CACNA2D3: variants seen among roughly 807,000 people sequenced by gnomAD.
The protein encoded by CACNA2D3 is calcium voltage-gated channel auxiliary subunit alpha2delta 3.
CACNA2D3 carries 60 observed loss-of-function variants against 160.6 expected under a neutral mutation model. The ratio of observed to expected loss-of-function variants is 0.37; its 90% CI spans 0.30 to 0.46. CACNA2D3 has a LOEUF of 0.46. CACNA2D3 is among the 20% of genes least tolerant of loss of function. The probability of loss-of-function intolerance (pLI) is 1.00; values close to 1 mark genes in which losing one functional copy is unlikely to be tolerated. For synonymous variants in CACNA2D3, 558 were observed against 492.9 expected, an observed-to-expected ratio of 1.13 and a Z score of -1.75; for missense variants, 1,205 against 1,365.0, an observed-to-expected ratio of 0.88 and a Z score of 1.85.
intron 2 of CACNA2D3, among the ~76,000 whole-genome samples, chr3:54,291,579 T>C (rs145583958): frequency 1.3e-3 from 198 of 152,292 alleles, no homozygotes; most frequent in African/African-American, 4.3e-3. Context: ...TACTATGGAC[T>C]AGGAAAAAGT....
At chr3:54,465,326 A>T (rs1302186608) in intron 4 of CACNA2D3, among the ~76,000 whole-genome samples, 1 of 152,078 alleles carries the variant, frequency 6.6e-6, no homozygotes, top group Non-Finnish European at 1.5e-5. Flanking sequence ...TTTGAATTTG[A>T]GGGACAGAGA....
intron 2 of CACNA2D3, among the ~76,000 whole-genome samples, chr3:54,250,532 C>G (rs748108641): frequency 6.6e-6 from 1 of 152,030 alleles, no homozygotes; most frequent in Non-Finnish European, 1.5e-5. Flanking sequence ...CTCCTGGGCT[C>G]AAGTGATCCT....
At chr3:54,873,732 C>T (rs1256576861) in intron 18 of CACNA2D3, among the ~76,000 whole-genome samples, 1 of 152,178 alleles carries the variant, frequency 6.6e-6, no homozygotes. Flanking sequence ...TCTCTGGTTA[C>T]GTCTTTGGTT....
chr3:54,587,582 AAAAT>A (rs1362629851), intron 9 of CACNA2D3, among the ~76,000 whole-genome samples: 9 of 152,264 alleles, frequency 5.9e-5, no homozygotes, highest in Non-Finnish European at 1.3e-4. Context: ...AAAATTTAAA[AAAAT>A]AAAAAGAGAG....
At chr3:54,394,053 G>A (rs1405782207) in intron 4 of CACNA2D3, among the ~76,000 whole-genome samples, 2 of 152,136 alleles carry the variant, frequency 1.3e-5, no homozygotes, top group Non-Finnish European at 2.9e-5. Context: ...TATGAGGTAG[G>A]CATCTCATTC....
intron 11 of CACNA2D3, among the ~76,000 whole-genome samples, chr3:54,667,709 C>A (rs1457020903): frequency 6.6e-6 from 1 of 152,142 alleles, no homozygotes; most frequent in Admixed American, 6.5e-5. Context: ...TTTTGGGAAA[C>A]TGAGCTAAGG....
chr3:54,571,393 T>A (rs1702494261), intron 8 of CACNA2D3, among the ~76,000 whole-genome samples: 1 of 152,172 alleles, frequency 6.6e-6, no homozygotes, highest in African/African-American at 2.4e-5. Flanking sequence ...AGATTAAATT[T>A]TAAAAGAGCC....
chr3:54,421,918 A>T (rs1699841585), intron 4 of CACNA2D3, among the ~76,000 whole-genome samples: 1 of 152,172 alleles, frequency 6.6e-6, no homozygotes, highest in African/African-American at 2.4e-5. Flanking sequence ...GCAGGTGGGC[A>T]GTCCACCACA....
At chr3:54,736,119 ACATATATATATG>A (rs1183615560) in intron 11 of CACNA2D3, among the ~76,000 whole-genome samples, 14 of 48,338 alleles carry the variant, frequency 2.9e-4, no homozygotes, top group South Asian at 1.9e-3. Flanking sequence ...GTATATATAT[ACATATATATATG>A]TATATATATA....
intron 35 of CACNA2D3, among the ~76,000 whole-genome samples, chr3:55,034,077 A>AT (rs1171264879): frequency 6.6e-6 from 1 of 151,464 alleles, no homozygotes; most frequent in African/African-American, 2.4e-5. Context: ...TACTAGAAGA[A>AT]TTGATGAGTC....
intron 2 of CACNA2D3, among the ~76,000 whole-genome samples, chr3:54,180,576 G>T (rs1444905897): frequency 1.3e-5 from 2 of 152,292 alleles, no homozygotes; most frequent in East Asian, 3.9e-4. Flanking sequence ...GCACAGAGCT[G>T]GGATTAGTCA....
At chr3:54,198,530 G>C (rs1701121155) in intron 2 of CACNA2D3, among the ~76,000 whole-genome samples, 1 of 152,172 alleles carries the variant, frequency 6.6e-6, no homozygotes, top group Admixed American at 6.5e-5. Context: ...CACTTTTTAT[G>C]CTTCAGTTCC....
chr3:54,645,033 T>G (rs1419139308), intron 11 of CACNA2D3, among the ~76,000 whole-genome samples: 4 of 152,222 alleles, frequency 2.6e-5, no homozygotes, highest in Non-Finnish European at 4.4e-5. Flanking sequence ...TTTGTATTAG[T>G]CCATTTTCAC....
intron 4 of CACNA2D3, among the ~76,000 whole-genome samples, chr3:54,423,113 T>C (rs1003597158): frequency 3.3e-5 from 5 of 152,156 alleles, no homozygotes; most frequent in African/African-American, 7.2e-5. Context: ...ACTGATCATA[T>C]ATATTTTGCA....
intron 11 of CACNA2D3, among the ~76,000 whole-genome samples, chr3:54,697,719 A>G (rs1388770900): frequency 6.6e-6 from 1 of 152,202 alleles, no homozygotes; most frequent in Non-Finnish European, 1.5e-5. Flanking sequence ...TAGGCAAGAT[A>G]CTTCTAGTTA....
chr3:54,566,723 G>A (rs1033474714), intron 6 of CACNA2D3, among the ~76,000 whole-genome samples: 6 of 152,146 alleles, frequency 3.9e-5, no homozygotes, highest in Non-Finnish European at 8.8e-5. Context: ...CCGTACGCAG[G>A]GGAGTTTGTT....
intron 2 of CACNA2D3, among the ~76,000 whole-genome samples, chr3:54,300,400 T>C (rs1223766355): frequency 6.6e-6 from 1 of 152,268 alleles, no homozygotes; most frequent in African/African-American, 2.4e-5. Context: ...GATGTTGGGT[T>C]GCATTGTCTG....
At chr3:54,949,019 G>A (rs1231166165) in intron 27 of CACNA2D3, among the ~76,000 whole-genome samples, 1 of 152,202 alleles carries the variant, frequency 6.6e-6, no homozygotes, top group Non-Finnish European at 1.5e-5. Flanking sequence ...AAGTTTCTCA[G>A]TCTCTTGTTT....
At chr3:54,774,483 A>T (rs1391460416) in intron 13 of CACNA2D3, among the ~76,000 whole-genome samples, 1 of 152,088 alleles carries the variant, frequency 6.6e-6, no homozygotes, top group Non-Finnish European at 1.5e-5. Flanking sequence ...GCAAGGGCGG[A>T]CATCTGCACC....
Sources: gnomAD v4.1 joint callset for allele counts (sites outside exome capture counted in the v4.1 genomes callset) on GRCh38, gnomAD v4.1.1 for gene constraint, MANE v1.5 for transcripts, NCBI Gene and HGNC (gene_info 2026-07-23, HGNC 2026-07-21) for gene names.